The following ANO7 variants were observed in gnomAD, a reference collection of about 807,000 sequenced individuals.
The protein encoded by ANO7 is anoctamin 7, also known as anoctamin-7.
Under a neutral mutation model 115.8 loss-of-function variants are expected in ANO7, and 114 were observed. The observed-to-expected ratio is 0.98, with a 90% CI of 0.85 to 1.15. The LOEUF is 1.15. ANO7 is among the 50% of genes most tolerant of loss of function. The probability of loss-of-function intolerance (pLI) is 0.00; values close to 1 mark genes in which losing one functional copy is unlikely to be tolerated. For synonymous variants in ANO7, 550 were observed against 498.2 expected (o/e 1.10, Z -1.38); for missense variants, 1,302 against 1,201.2 (o/e 1.08, Z -1.24).
At chr2:241,237,997 G>A in the ANO7 span, among the ~76,000 whole-genome samples, 8 of 152,356 alleles carry the variant, frequency 5.3e-5, no homozygotes, top group African/African-American at 1.9e-4. Flanking sequence ...AGGGCCACCT[G>A]CCGCCCAAAC....
chr2:241,202,264 T>C lies in ANO7; in HGVS notation c.683T>C (p.Leu228Pro), dbSNP rs1354259820. 1.9e-6 allele frequency: 3 copies of C among 1,613,586 alleles called. No individual in the cohort carries two copies. Among genetic ancestry groups the C allele is most frequent in the Non-Finnish European group, 2.5e-6 (3 of 1,179,960 alleles). Residue 228 changes from leucine (L) to proline (P), a missense_variant, in exon 8 of 25, where the codon CTG (leucine) becomes CCG (proline). Physicochemically the swap from Leu to Pro is moderately conservative, Grantham distance 98. Transcript: ENST00000674324. ...AACCTGCTTGGGATCCACCAGCTGC[T>C]GGCAGAGGGTGTCCTCAGTGCCGCC... ...KKNLLGIHQL[L>P]AEGVLSAAFP...
At chr2:241,230,728 T>C, downstream of ANO7, 2 of 1,598,876 alleles carry the variant, frequency 1.3e-6, no homozygotes, top group Non-Finnish European at 1.7e-6. The surrounding 1 kb of genome is among the most constrained non-coding windows in gnomAD (Gnocchi z 5.0). Flanking sequence ...TGAGAGAGGA[T>C]TCTCACCCAC....
chr2:241,200,664 T>A (rs2068450226), intron 6 of ANO7, among the ~76,000 whole-genome samples: 1 of 152,230 alleles, frequency 6.6e-6, no homozygotes, highest in African/African-American at 2.4e-5. Context: ...ACATTACTAC[T>A]GGACAAAGCC....
At chr2:241,237,226 G>C in the ANO7 span, among the ~76,000 whole-genome samples, 3 of 152,170 alleles carry the variant, frequency 2.0e-5, no homozygotes, top group South Asian at 2.1e-4. Context: ...AGTGGGAAGG[G>C]GGGTGAGAGG....
chr2:241,207,093 G>C (rs2068611326), intron 10 of ANO7, among the ~76,000 whole-genome samples: 1 of 130,480 alleles, frequency 7.7e-6, no homozygotes, highest in Non-Finnish European at 1.6e-5. Flanking sequence ...GACACAGGTA[G>C]ACAGGAGTGC....
At chr2:241,215,515 G>C (rs10933537) in intron 18 of ANO7, among the ~76,000 whole-genome samples, 78,517 of 152,192 alleles carry the variant, frequency 0.52, 20,949 homozygotes, top group East Asian at 0.78. Context: ...TGGGCCACCA[G>C]GAATAGCAGT....
In ANO7 at chr2:241,200,073, T is replaced by C. The variant is rs1425166328; in HGVS notation, c.418-16T>C. On this transcript the variant is annotated splice_polypyrimidine_tract_variant and intron_variant, in intron 5 of 24. Coordinates refer to ENST00000674324, the MANE Select transcript of ANO7 (RefSeq NM_001370694.2). ...TCCTCCCGGGAGTGGGAGGAGCCAC[T>C]GACGTTTCCTTCCAGGAGTTACCCA... The C allele has an allele frequency of 5.0e-6, 8 of 1,609,820 alleles. No homozygotes were observed. The highest frequency in any genetic ancestry group is 6.8e-6 in the Non-Finnish European group (8 of 1,179,802).
chr2:241,192,832 A>G (rs188628627), intron 3 of ANO7, among the ~76,000 whole-genome samples: 77 of 152,308 alleles, frequency 5.1e-4, no homozygotes, highest in African/African-American at 1.8e-3. Context: ...CAAAAGGACA[A>G]ATGTGATTCC....
chr2:241,226,059 G>A (rs1053801551), downstream of ANO7, among the ~76,000 whole-genome samples: 5 of 152,092 alleles, frequency 3.3e-5, no homozygotes, highest in South Asian at 2.1e-4. Context: ...TAACCAGCAC[G>A]TGGGTAAAAG....
In ANO7 at chr2:241,224,380, T is replaced by C. The variant is rs550359776; in HGVS notation, c.*227T>C. The C allele has an allele frequency of 7.5e-5, 43 of 571,440 alleles. 1 individual carries two copies. The South Asian group carries it at 8.6e-4, about 11-fold the overall frequency. 35.4% of individuals were successfully genotyped at this position (571,440 alleles called of 1,614,324 possible). A position where few individuals can be genotyped will look rare whatever the true frequency, so the allele number is the denominator to read the frequency against. On this transcript the variant is annotated 3_prime_UTR_variant, in exon 25 of 25. Coordinates refer to ENST00000674324, the MANE Select transcript of ANO7 (RefSeq NM_001370694.2). ...GACCGTCAGCTCACAAGGCCCTCTT[T>C]GTTTCCTGCTCCCAGACATAAGCCC...
chr2:241,193,627 A>G (rs1213000928), intron 3 of ANO7, among the ~76,000 whole-genome samples: 2 of 152,170 alleles, frequency 1.3e-5, no homozygotes, highest in Admixed American at 1.3e-4. Context: ...CTATCCTCTG[A>G]GAAAATCATG....
chr2:241,233,695 A>G, the ANO7 span: 2 of 1,019,640 alleles, frequency 2.0e-6, no homozygotes, highest in South Asian at 3.1e-5. The surrounding 1 kb of genome is among the most constrained non-coding windows in gnomAD (Gnocchi z 4.3). Flanking sequence ...TTAGGTCCTG[A>G]GAGACTTGCC....
At chr2:241,232,388 G>A in the ANO7 span, among the ~76,000 whole-genome samples, 4 of 151,570 alleles carry the variant, frequency 2.6e-5, no homozygotes, top group Non-Finnish European at 4.4e-5. Context: ...CGATTCTCAC[G>A]TCTCAGTCTC....
intron 18 of ANO7, among the ~76,000 whole-genome samples, chr2:241,215,290 G>T (rs1390916475): frequency 6.6e-6 from 1 of 152,198 alleles, no homozygotes; most frequent in Non-Finnish European, 1.5e-5. Context: ...GGAGGAAAAG[G>T]AGGTCCCAGG....
In ANO7 at chr2:241,223,171, CTG is replaced by C; in HGVS notation, c.2322-11_2322-10del. 6.2e-7 allele frequency: 1 copy of C among 1,613,096 alleles called. No homozygotes were observed. ...CAGCCCTGGCTGCGCGCACTGAGTC[CTG>C]TGTCTGCTGCAGGTATCGGGCTTTC... is the stretch of plus-strand genomic sequence containing the variant. On this transcript the variant is annotated splice_polypyrimidine_tract_variant and intron_variant, in intron 21 of 24. Transcript: ENST00000674324.
At chr2:241,200,045 C>T (rs757040358) in intron 5 of ANO7, 44 bp from the exon 6 acceptor site, 27 of 1,600,348 alleles carry the variant, frequency 1.7e-5, no homozygotes, top group Non-Finnish European at 2.2e-5. Context: ...GGGGCATTTG[C>T]CCTCCTCCCG....
At chr2:241,218,203 C>CGGGGGCGCGCAGGGGCGGAGA in intron 20 of ANO7, 36 bp from the exon 21 acceptor site, 2 of 1,323,490 alleles carry the variant, frequency 1.5e-6, no homozygotes, top group Non-Finnish European at 1.9e-6. Context: ...AGGGGCGGAG[C>CGGGGGCGCGCAGGGGCGGAGA]GGGGGCCGCC....
At chr2:241,228,010 G>C (rs1398238346), downstream of ANO7, 2 of 152,222 alleles carry the variant, frequency 1.3e-5, no homozygotes, top group African/African-American at 4.8e-5. Context: ...GAGCAAATGG[G>C]GACTTGCCGA....
rs748837286 is a variant in ANO7 at position 241,203,450 on chromosome 2, G to A, written c.841G>A (p.Val281Met). The change falls in exon 9 of 25, where the codon GTG (valine) becomes ATG (methionine). Residue 281 changes from valine (V) to methionine (M), a missense_variant. Coordinates refer to ENST00000674324, the MANE Select transcript of ANO7 (RefSeq NM_001370694.2). The surrounding 1 kb of genome is among the most constrained non-coding windows in gnomAD (Gnocchi z 4.8). ...GAACAAGTACCAGCCCCTGGACCACGTGCGCAGGTACTTCGGGGAGAAGGT... is the reference window on the plus strand; with the variant it reads ...GAACAAGTACCAGCCCCTGGACCACATGCGCAGGTACTTCGGGGAGAAGGT... ...KWNKYQPLDH[V>M]RRYFGEKVAL... 18 of 1,578,670 alleles carry A rather than the reference G, an allele frequency of 1.1e-5. No individual in the cohort carries two copies. The highest frequency in any genetic ancestry group is 1.4e-5 in the Non-Finnish European group (16 of 1,164,062).
Sources: gnomAD v4.1 joint callset for allele counts (sites outside exome capture counted in the v4.1 genomes callset) on GRCh38, gnomAD v4.1.1 for gene constraint, Gnocchi (gnomAD v3.1) non-coding constraint, MANE v1.5 for transcripts, NCBI Gene and HGNC (gene_info 2026-07-23, HGNC 2026-07-21) for gene names.